Variants in SERPINB4 observed in about 807,000 individuals in gnomAD.
The protein encoded by SERPINB4 is serpin family B member 4.
In SERPINB4, 39 loss-of-function variants were observed where a neutral mutation model predicts 33.2. The observed-to-expected ratio is 1.18, with a 90% CI of 0.91 to 1.53. The LOEUF is 1.53. Ranked by LOEUF, SERPINB4 falls within the 40% of genes most tolerant of loss-of-function variation. SERPINB4 has a pLI of 0.00. For synonymous variants in SERPINB4, 191 were observed against 166.4 expected, an observed-to-expected ratio of 1.15 and a Z score of -1.14; for missense variants, 564 against 455.4, an observed-to-expected ratio of 1.24 and a Z score of -2.17.
chr18:63,642,944 C>G (rs527427696), intron 3 of SERPINB4: 1 of 590,038 alleles, frequency 1.7e-6, no homozygotes, highest in Admixed American at 3.0e-5. Flanking sequence ...CTGATCCAGA[C>G]CTATGCTCTG....
rs201045585 is a variant in SERPINB4 at position 63,641,801 on chromosome 18, C to T, written c.310G>A (p.Ala104Thr). The part of the protein sequence containing the change: ...KSTDAYELKI[A>T]NKLFGEKTYQ... ...GTCTTTTCTCCGAAGAGCTTGTTGG[C>T]GATCTTCAGCTCATATGCATCAGTG... The change falls in exon 4 of 8, where the codon GCC becomes ACC. Residue 104 changes from alanine (A) to threonine (T), a missense_variant. Physicochemically the swap from Ala to Thr is moderately conservative, Grantham distance 58. Transcript: ENST00000341074. The T allele has an allele frequency of 6.2e-5, 100 of 1,613,408 alleles. No homozygotes were observed. Among genetic ancestry groups the T allele is most frequent in the Middle Eastern group, 1.7e-4 (1 of 6,052 alleles).
chr18:63,639,786 A>G lies in SERPINB4; in HGVS notation c.470-10T>C, dbSNP rs766395538. On this transcript the variant is annotated splice_polypyrimidine_tract_variant and intron_variant, in intron 5 of 7. Coordinates refer to ENST00000341074, the MANE Select transcript of SERPINB4 (RefSeq NM_002974.4). ...AGGTTTTTAATTTTTTCTGCAAGGG[A>G]AAGAATAAAAGAGTCTTTTACACAA... 4.4e-6 allele frequency: 7 copies of G among 1,603,958 alleles called. No individual in the cohort carries two copies. Among genetic ancestry groups the G allele is most frequent in the South Asian group, 1.1e-5 (1 of 89,414 alleles).
Position 63,641,865 on chromosome 18 carries a change from A to C in SERPINB4, c.246T>G (p.His82Gln). 6.2e-7 allele frequency: 1 copy of C among 1,613,330 alleles called. No homozygotes were observed. The highest frequency in any genetic ancestry group is 1.1e-5 in the South Asian group (1 of 91,068). ...TYHVDRSGNV[H>Q]HQFQKLLTEF... ...CAGTCAGAAGCTTTTGAAACTGGTG[A>C]TGAACATTTCCTGACCTATCAACCT... The change falls in exon 4 of 8, where the codon CAT becomes CAG. Residue 82 changes from histidine (H) to glutamine (Q), a missense_variant. By Grantham distance (24) the His-to-Gln change is conservative. Coordinates refer to ENST00000341074, the MANE Select transcript of SERPINB4 (RefSeq NM_002974.4).
Position 63,638,452 on chromosome 18 carries a change from A to G in SERPINB4, c.769-329T>C, listed in dbSNP as rs527296874. ...ATTTTGTACACAATGAACTGTATGT[A>G]TCACTATTTCTTGTGCCAACAGCCT... On this transcript the variant is annotated intron_variant, in intron 7 of 7. Coordinates refer to ENST00000341074, the MANE Select transcript of SERPINB4 (RefSeq NM_002974.4). Among the ~76,000 whole-genome samples, 18 of 152,152 alleles carry G rather than the reference A, an allele frequency of 1.2e-4. No individual in the cohort carries two copies. In the South Asian group the frequency reaches 3.5e-3, roughly 30 times the overall value.
At chr18:63,642,022 G>T (rs1379968774) in intron 3 of SERPINB4, 134 bp from the exon 4 acceptor site, 2 of 1,332,230 alleles carry the variant, frequency 1.5e-6, no homozygotes, top group East Asian at 2.3e-5. Flanking sequence ...CCTGATAATT[G>T]GTGTATTTCA....
At position 63,637,975 on chromosome 18, in the gene SERPINB4, T is replaced by C. The variant is rs137899169; in HGVS notation, c.917A>G (p.Asn306Ser). The change falls in exon 8 of 8, where the codon AAT becomes AGT. Residue 306 changes from asparagine (N) to serine (S), a missense_variant. Asn to Ser is a conservative substitution (Grantham distance 46). Transcript: ENST00000341074. ...GAGGTCTGCATCCCCATTGAAGATA[T>C]TCACCATTCCCATGGTTCTCAACGT... ...KDTLRTMGMV[N>S]IFNGDADLSG... 2.4e-4 allele frequency: 381 copies of C among 1,613,694 alleles called. No individual in the cohort carries two copies. Among genetic ancestry groups the C allele is most frequent in the Non-Finnish European group, 3.0e-4 (356 of 1,179,782 alleles).
In SERPINB4 at chr18:63,643,177, T is replaced by C; in HGVS notation, c.206A>G (p.Lys69Arg). 1 of 1,613,366 alleles carries C rather than the reference T, an allele frequency of 6.2e-7. No individual in the cohort carries two copies. Among genetic ancestry groups the C allele is most frequent in the Non-Finnish European group, 8.5e-7 (1 of 1,179,544 alleles). Residue 69 changes from lysine (K) to arginine (R), a missense_variant, in exon 3 of 8, where the codon AAA (lysine) becomes AGA (arginine). Transcript: ENST00000341074. ...GTGACTCACATGATATGTTGCAGCT[T>C]TTTCTGTGGTGTTCTCTGTGACTTG... ...FDQVTENTTE[K>R]AATYHVDRSG...
intron 4 of SERPINB4, 109 bp from the exon 5 acceptor site, chr18:63,641,100 A>C: frequency 1.2e-6 from 1 of 842,012 alleles, no homozygotes; most frequent in South Asian, 1.6e-5. Flanking sequence ...CCCTGAATAG[A>C]TGCAGTATCT....
chr18:63,641,584 T>A (rs772192285), intron 4 of SERPINB4, among the ~76,000 whole-genome samples, 176 bp downstream of exon 4: 1 of 152,078 alleles, frequency 6.6e-6, no homozygotes. Context: ...TGATGTATCG[T>A]TGGGGTCTGG....
chr18:63,640,045 T>A (rs895723331), intron 5 of SERPINB4, among the ~76,000 whole-genome samples: 4 of 152,084 alleles, frequency 2.6e-5, no homozygotes, highest in Non-Finnish European at 2.9e-5. Flanking sequence ...TGTATGAATG[T>A]CTCCAATCAT....
Position 63,637,648 on chromosome 18 carries a change from T to A in SERPINB4, c.*71A>T. Reference sequence around the variant, plus strand: ...AAATATGAGCCAAGAGAATCTGTTGTTGCCAGCAATCAGTTTACCAGAACA... The same window carrying A: ...AAATATGAGCCAAGAGAATCTGTTGATGCCAGCAATCAGTTTACCAGAACA... On this transcript the variant is annotated 3_prime_UTR_variant, in exon 8 of 8. Coordinates refer to ENST00000341074, the MANE Select transcript of SERPINB4 (RefSeq NM_002974.4). The A allele has an allele frequency of 6.9e-7, 1 of 1,450,382 alleles. No individual in the cohort carries two copies. The allele number at this position is 1,450,382 out of a possible 1,614,324, so 89.8% of individuals were successfully genotyped here.
rs200993729 is a variant in SERPINB4, at chr18:63,639,885, G to A, written c.470-109C>T. ...TCGTTAATTATTGACCCAAATCCCT[G>A]CTTGAGACTCACTGACTTTGATCTT... On this transcript the variant is annotated intron_variant, in intron 5 of 7. Transcript: ENST00000341074. The A allele has an allele frequency of 1.1e-4, 113 of 1,008,674 alleles. No homozygotes were observed. In the East Asian group the frequency reaches 1.4e-3, roughly 12 times the overall value. 62.5% of individuals were successfully genotyped at this position (1,008,674 alleles called of 1,614,324 possible).
intron 4 of SERPINB4, 61 bp from the exon 5 acceptor site, chr18:63,641,052 A>G (rs1247092347): frequency 2.2e-6 from 3 of 1,382,024 alleles, no homozygotes; most frequent in Non-Finnish European, 2.0e-6. Flanking sequence ...TATATTACCA[A>G]ACTTACTTAT....
chr18:63,643,296 T>A (rs1913199660), intron 2 of SERPINB4, 79 bp from the exon 3 acceptor site: 1 of 1,611,856 alleles, frequency 6.2e-7, no homozygotes, highest in Admixed American at 1.7e-5. Context: ...GTTATGGGAA[T>A]TCCTGCACAG....
intron 3 of SERPINB4, 76 bp downstream of exon 3, chr18:63,643,085 G>T: frequency 1.3e-6 from 2 of 1,592,890 alleles, no homozygotes; most frequent in Non-Finnish European, 1.7e-6. Context: ...CCTTTTCTTA[G>T]TTTTTGTGAA....
chr18:63,641,071 A>T (rs2144470562), intron 4 of SERPINB4, 80 bp from the exon 5 acceptor site: 2 of 1,201,540 alleles, frequency 1.7e-6, no homozygotes, highest in East Asian at 4.7e-5. Flanking sequence ...ATTTGTAACA[A>T]CAGTAAGCTG....
chr18:63,641,075 T>A (rs1913114428), intron 4 of SERPINB4, 84 bp from the exon 5 acceptor site: 2 of 1,162,460 alleles, frequency 1.7e-6, no homozygotes, highest in Non-Finnish European at 2.5e-6. Flanking sequence ...GTAACAACAG[T>A]AAGCTGAATC....
At chr18:63,638,577 T>C (rs1022126940) in intron 7 of SERPINB4, among the ~76,000 whole-genome samples, 17 of 151,966 alleles carry the variant, frequency 1.1e-4, no homozygotes, top group Non-Finnish European at 2.2e-4. Context: ...AATTCCTAAA[T>C]TTGTATTCCC....
Position 63,641,757 on chromosome 18 carries a change from T to C in SERPINB4, c.351+3A>G, listed in dbSNP as rs2144472339. On this transcript the variant is annotated splice_donor_region_variant and intron_variant, in intron 4 of 7. Transcript: ENST00000341074. ...GAAATGTGGGTAGGCCAGGTGAAAT[T>C]ACCTGTAAAAATTGATACGTCTTTT... is the stretch of plus-strand genomic sequence containing the variant. 1 of 1,613,192 alleles carries C rather than the reference T, an allele frequency of 6.2e-7. No individual in the cohort carries two copies. Among genetic ancestry groups the C allele is most frequent in the Non-Finnish European group, 8.5e-7 (1 of 1,179,374 alleles).
Sources: gnomAD v4.1 joint callset for allele counts (sites outside exome capture counted in the v4.1 genomes callset) on GRCh38, gnomAD v4.1.1 for gene constraint, MANE v1.5 for transcripts, NCBI Gene and HGNC (gene_info 2026-07-23, HGNC 2026-07-21) for gene names.